Variants in CNTNAP2 observed in about 807,000 individuals in gnomAD.
The protein encoded by CNTNAP2 is contactin associated protein 2.
Under a neutral mutation model 155.2 loss-of-function variants are expected in CNTNAP2, and 98 were observed. That is an observed-to-expected ratio of 0.63 (90% CI 0.54 to 0.75). The LOEUF (loss-of-function observed/expected upper bound fraction) is 0.75. Among genes scored for constraint, CNTNAP2 ranks in the 30% least tolerant of loss-of-function variants. The probability of loss-of-function intolerance (pLI) is 0.00; values close to 1 mark genes in which losing one functional copy is unlikely to be tolerated. For missense variants in CNTNAP2, 1,727 were observed against 1,688.1 expected, an observed-to-expected ratio of 1.02 and a Z score of -0.40; for synonymous variants, 651 against 631.2, an observed-to-expected ratio of 1.03 and a Z score of -0.47.
chr7:147,520,655 A>G (rs890428337), intron 11 of CNTNAP2, among the ~76,000 whole-genome samples: 7 of 152,208 alleles, frequency 4.6e-5, no homozygotes, highest in African/African-American at 1.7e-4. Flanking sequence ...AGAGAAGATG[A>G]CATAGGCCTA....
chr7:146,847,221 G>T (rs1220057378), intron 3 of CNTNAP2, among the ~76,000 whole-genome samples: 1 of 152,098 alleles, frequency 6.6e-6, no homozygotes, highest in Non-Finnish European at 1.5e-5. Flanking sequence ...TGCTCAAGTG[G>T]TAACTTAGAG....
intron 8 of CNTNAP2, among the ~76,000 whole-genome samples, chr7:147,229,445 G>A (rs141575377): frequency 8.0e-5 from 12 of 150,888 alleles, no homozygotes; most frequent in Non-Finnish European, 1.5e-4. Flanking sequence ...ATAAAACTCT[G>A]ACCTGACAAA....
At chr7:147,104,553 C>G (rs954929590) in intron 4 of CNTNAP2, among the ~76,000 whole-genome samples, 2 of 151,256 alleles carry the variant, frequency 1.3e-5, no homozygotes, top group African/African-American at 4.8e-5. Context: ...TTCGGATCCC[C>G]TATAAAAGTA....
chr7:147,121,382 T>G (rs940708185), intron 6 of CNTNAP2: 9 of 486,906 alleles, frequency 1.8e-5, no homozygotes, highest in Non-Finnish European at 3.3e-5. Flanking sequence ...TTAGTACCAA[T>G]GTAATAATTT....
intron 4 of CNTNAP2, among the ~76,000 whole-genome samples, chr7:147,104,486 C>T (rs1047670093): frequency 2.6e-5 from 4 of 151,650 alleles, no homozygotes; most frequent in African/African-American, 9.7e-5. Context: ...TTGGTTATTT[C>T]AGTAAAAAAT....
intron 3 of CNTNAP2, among the ~76,000 whole-genome samples, chr7:146,941,263 AAAGTTATTTGCTT>A (rs1797050211): frequency 6.6e-6 from 1 of 151,972 alleles, no homozygotes; most frequent in Admixed American, 6.6e-5. Flanking sequence ...TTAGTGTATC[AAAGTTATTTGCTT>A]TGTGATTATC....
intron 13 of CNTNAP2, among the ~76,000 whole-genome samples, chr7:147,796,887 T>TC (rs201933749): frequency 0.028 from 4,312 of 152,206 alleles, 192 homozygotes; most frequent in African/African-American, 0.096. Flanking sequence ...TTTTAAGACC[T>TC]CCGTTTTTTT....
chr7:147,865,412 C>G (rs35283415), intron 13 of CNTNAP2, among the ~76,000 whole-genome samples: 90,367 of 151,916 alleles, frequency 0.59, 27,153 homozygotes, highest in Middle Eastern at 0.7. Context: ...TCTCTGCCAG[C>G]CTTCGGTATC....
chr7:146,217,718 G>T, intron 1 of CNTNAP2, among the ~76,000 whole-genome samples: 1 of 152,136 alleles, frequency 6.6e-6, no homozygotes, highest in East Asian at 1.9e-4. Context: ...GTTGCCTCTG[G>T]GTGGGGGGAT....
At chr7:146,765,194 TA>T (rs1280496010) in intron 1 of CNTNAP2, among the ~76,000 whole-genome samples, 3 of 152,150 alleles carry the variant, frequency 2.0e-5, no homozygotes, top group Non-Finnish European at 2.9e-5. Flanking sequence ...CCAAGATATT[TA>T]AAAAGTCCTA....
rs568179552 is a variant in CNTNAP2, at chr7:146,724,717, C to T, written c.98-49554C>T. The stretch of plus-strand genomic sequence containing the variant: ...TCCTGAGTAGCTGGGATTACAGGCG[C>T]AGGCCACCATGCCCAGCTAATTTTT... On this transcript the variant is annotated intron_variant, in intron 1 of 23. Coordinates refer to ENST00000361727, the MANE Select transcript of CNTNAP2 (RefSeq NM_014141.6). 8.0e-4 allele frequency among the ~76,000 whole-genome samples: 122 copies of T among 151,848 alleles called. No homozygotes were observed. In the Middle Eastern group the frequency reaches 0.017, roughly 21 times the overall value.
chr7:147,169,496 T>A (rs1199895234), intron 8 of CNTNAP2, among the ~76,000 whole-genome samples: 2 of 152,160 alleles, frequency 1.3e-5, no homozygotes, highest in Non-Finnish European at 2.9e-5. Context: ...GTGTGTCCAA[T>A]GTTTAGCTCT....
chr7:146,341,762 C>A (rs1268587934), intron 1 of CNTNAP2, among the ~76,000 whole-genome samples: 1 of 152,112 alleles, frequency 6.6e-6, no homozygotes, highest in Admixed American at 6.5e-5. Context: ...AACACAAAGA[C>A]AGGTTGAAAT....
chr7:146,510,171 A>G (rs1348404388), intron 1 of CNTNAP2, among the ~76,000 whole-genome samples: 1 of 152,160 alleles, frequency 6.6e-6, no homozygotes, highest in Non-Finnish European at 1.5e-5. Flanking sequence ...TCCCCCTCCT[A>G]CAGAGTCAGC....
intron 15 of CNTNAP2, among the ~76,000 whole-genome samples, chr7:148,051,927 C>T (rs1289369565): frequency 6.6e-6 from 1 of 152,064 alleles, no homozygotes; most frequent in East Asian, 1.9e-4. Context: ...ATCACGAGGT[C>T]AGGAGATGGA....
At chr7:146,419,136 G>C (rs1020368958) in intron 1 of CNTNAP2, among the ~76,000 whole-genome samples, 4 of 152,158 alleles carry the variant, frequency 2.6e-5, no homozygotes, top group African/African-American at 9.6e-5. Flanking sequence ...CACATGGCTA[G>C]GAAGGCCTCA....
intron 1 of CNTNAP2, among the ~76,000 whole-genome samples, chr7:146,363,167 T>G (rs1283174914): frequency 6.6e-6 from 1 of 152,180 alleles, no homozygotes; most frequent in Non-Finnish European, 1.5e-5. Flanking sequence ...CAACATGTAC[T>G]AATTTTTTCT....
intron 13 of CNTNAP2, among the ~76,000 whole-genome samples, chr7:147,870,980 G>GA (rs1799317779): frequency 6.6e-6 from 1 of 152,066 alleles, no homozygotes; most frequent in African/African-American, 2.4e-5. Context: ...AGAAAGGAAG[G>GA]AGGCTTTCCA....
chr7:147,869,929 T>A (rs1015393807), intron 13 of CNTNAP2, among the ~76,000 whole-genome samples: 3 of 152,188 alleles, frequency 2.0e-5, no homozygotes, highest in Non-Finnish European at 2.9e-5. Context: ...CCAGTAAGTA[T>A]GTATTCAGCA....
Sources: allele counts gnomAD v4.1 joint callset (sites outside exome capture counted in the v4.1 genomes callset), GRCh38; gene constraint gnomAD v4.1.1; transcripts MANE v1.5; gene names NCBI Gene and HGNC (gene_info 2026-07-23, HGNC 2026-07-21).